Variants in GALNT13 observed in about 807,000 individuals in gnomAD.
GALNT13 encodes UDP-GalNAc:polypeptide N-acetylgalactosaminyltransferase 13.
Under a neutral mutation model 64.2 loss-of-function variants are expected in GALNT13, and 28 were observed. The ratio of observed to expected loss-of-function variants is 0.44; its 90% CI spans 0.32 to 0.60. The LOEUF (loss-of-function observed/expected upper bound fraction) is 0.60. Ranked by LOEUF, GALNT13 falls within the 20% of genes least tolerant of loss-of-function variation. The pLI is 0.05. For synonymous variants in GALNT13, 214 were observed against 224.6 expected (o/e 0.95, Z 0.42); for missense variants, 577 against 669.8 (o/e 0.86, Z 1.53).
At chr2:153,628,010 A>T in the GALNT13 span, among the ~76,000 whole-genome samples, 1 of 151,968 alleles carries the variant, frequency 6.6e-6, no homozygotes, top group Non-Finnish European at 1.5e-5. Context: ...ATTTGTTTGT[A>T]TACTCTTATT....
At chr2:154,028,272 A>T (rs752975005) in intron 3 of GALNT13, among the ~76,000 whole-genome samples, 1 of 152,162 alleles carries the variant, frequency 6.6e-6, no homozygotes, top group Non-Finnish European at 1.5e-5. Context: ...TGCCTTTGCT[A>T]TATTGCTAAG....
the GALNT13 span, among the ~76,000 whole-genome samples, chr2:153,555,287 C>A: frequency 9.3e-6 from 1 of 107,394 alleles, no homozygotes; most frequent in Non-Finnish European, 2.0e-5. Context: ...CTCCGCCTCC[C>A]GGGTTCACGC....
the GALNT13 span, among the ~76,000 whole-genome samples, chr2:153,126,285 GTA>G: frequency 2.1e-4 from 28 of 131,046 alleles, no homozygotes; most frequent in Admixed American, 7.0e-4. Flanking sequence ...TAAGCTCACA[GTA>G]TTGATTTTGT....
intron 11 of GALNT13, chr2:154,436,611 CTT>C (rs1700985857): frequency 6.6e-6 from 1 of 152,132 alleles, no homozygotes; most frequent in Admixed American, 6.5e-5. Flanking sequence ...AAGATTCTCA[CTT>C]GTGTAATTAA....
intron 4 of GALNT13, among the ~76,000 whole-genome samples, chr2:154,201,940 C>T (rs1239134102): frequency 6.6e-6 from 1 of 152,112 alleles, no homozygotes; most frequent in African/African-American, 2.4e-5. Flanking sequence ...CAAGAGTCAC[C>T]TAATTTTATT....
the GALNT13 span, among the ~76,000 whole-genome samples, chr2:153,171,228 C>T: frequency 6.6e-6 from 1 of 152,146 alleles, no homozygotes; most frequent in African/African-American, 2.4e-5. Flanking sequence ...AAGTGAGAAG[C>T]TGTAAATGCT....
At chr2:153,131,414 G>A in the GALNT13 span, among the ~76,000 whole-genome samples, 1 of 152,042 alleles carries the variant, frequency 6.6e-6, no homozygotes, top group Non-Finnish European at 1.5e-5. Flanking sequence ...TGGGGAAGAT[G>A]TTGGCTCCAC....
chr2:153,920,442 A>G (rs867550282), intron 2 of GALNT13, among the ~76,000 whole-genome samples: 7 of 152,048 alleles, frequency 4.6e-5, no homozygotes, highest in Admixed American at 1.3e-4. Context: ...TCAGAAGATT[A>G]AAACTGGGCC....
At chr2:153,144,897 T>C in the GALNT13 span, among the ~76,000 whole-genome samples, 1 of 151,944 alleles carries the variant, frequency 6.6e-6, no homozygotes, top group Admixed American at 6.6e-5. Flanking sequence ...AGAAATTATA[T>C]GCATGATTTT....
At chr2:153,780,214 G>GAT in the GALNT13 span, among the ~76,000 whole-genome samples, 331 of 127,744 alleles carry the variant, frequency 2.6e-3, 1 homozygote, top group East Asian at 9.6e-3. Context: ...AGAATTTGAA[G>GAT]ATATATATAT....
At chr2:154,201,002 CT>C (rs561379083) in intron 4 of GALNT13, among the ~76,000 whole-genome samples, 9 of 151,962 alleles carry the variant, frequency 5.9e-5, no homozygotes, top group Non-Finnish European at 1.3e-4. Flanking sequence ...TAAGAAAATA[CT>C]TTTGGAATAT....
intron 8 of GALNT13, among the ~76,000 whole-genome samples, chr2:154,267,263 C>T (rs1314576225): frequency 1.3e-5 from 2 of 152,028 alleles, no homozygotes; most frequent in South Asian, 2.1e-4. Flanking sequence ...ATTGATTAGA[C>T]AAATATTCCT....
chr2:153,157,026 G>T, the GALNT13 span, among the ~76,000 whole-genome samples: 1 of 152,164 alleles, frequency 6.6e-6, no homozygotes, highest in Non-Finnish European at 1.5e-5. Context: ...ATAGGTAGAA[G>T]ATGTGACTTT....
intron 11 of GALNT13, among the ~76,000 whole-genome samples, chr2:154,432,870 G>A (rs948036867): frequency 1.3e-5 from 2 of 152,048 alleles, no homozygotes; most frequent in African/African-American, 4.8e-5. Context: ...TATCATCTGG[G>A]GAGCCACAGT....
chr2:153,540,089 T>C, the GALNT13 span, among the ~76,000 whole-genome samples: 4 of 152,172 alleles, frequency 2.6e-5, no homozygotes, highest in African/African-American at 9.7e-5. Context: ...TGGCAGCCTC[T>C]CCCATCAGAG....
At chr2:154,360,338 G>A (rs1696992978) in intron 9 of GALNT13, among the ~76,000 whole-genome samples, 1 of 152,084 alleles carries the variant, frequency 6.6e-6, no homozygotes, top group African/African-American at 2.4e-5. Flanking sequence ...TGTATATTCA[G>A]GCTTTGTTCA....
intron 8 of GALNT13, among the ~76,000 whole-genome samples, chr2:154,296,186 A>T (rs1222157556): frequency 3.3e-5 from 5 of 152,192 alleles, no homozygotes; most frequent in Non-Finnish European, 1.5e-5. Flanking sequence ...ATTAAAGACC[A>T]CTTCCTCCAA....
the GALNT13 span, among the ~76,000 whole-genome samples, chr2:153,601,352 A>G: frequency 6.6e-6 from 1 of 151,812 alleles, no homozygotes; most frequent in Non-Finnish European, 1.5e-5. Flanking sequence ...TTGAGACTTT[A>G]CAACATAATG....
At chr2:154,022,458 C>T (rs995778178) in intron 3 of GALNT13, among the ~76,000 whole-genome samples, 2 of 152,132 alleles carry the variant, frequency 1.3e-5, no homozygotes, top group Non-Finnish European at 2.9e-5. Flanking sequence ...TCCATTTCTT[C>T]TAGATTTTCT....
Sources: allele counts gnomAD v4.1 joint callset (sites outside exome capture counted in the v4.1 genomes callset), GRCh38; gene constraint gnomAD v4.1.1; transcripts MANE v1.5; gene names NCBI Gene and HGNC (gene_info 2026-07-23, HGNC 2026-07-21).